Variants in FHIP1A observed in about 807,000 individuals in gnomAD.
FHIP1A encodes the protein FHF complex subunit HOOK interacting protein 1A, also known as FHF complex subunit HOOK-interacting protein 1A.
A neutral mutation model predicts 88.6 loss-of-function variants in FHIP1A; 61 were observed. The ratio of observed to expected loss-of-function variants is 0.69; its 90% CI spans 0.56 to 0.85. The LOEUF (loss-of-function observed/expected upper bound fraction) is 0.85. FHIP1A is among the 40% of genes least tolerant of loss of function. The pLI is 0.00. For synonymous variants in FHIP1A, 478 were observed against 496.0 expected, an observed-to-expected ratio of 0.96 and a Z score of 0.48; for missense variants, 1,154 against 1,273.5, an observed-to-expected ratio of 0.91 and a Z score of 1.43.
intron 3 of FHIP1A, among the ~76,000 whole-genome samples, chr4:151,516,083 G>A (rs62327258): frequency 6.6e-6 from 1 of 151,922 alleles, no homozygotes; most frequent in Non-Finnish European, 1.5e-5. Flanking sequence ...AAACAGCATG[G>A]TACTGGTACC....
At chr4:151,529,664 T>A (rs567005750) in intron 3 of FHIP1A, among the ~76,000 whole-genome samples, 11 of 152,252 alleles carry the variant, frequency 7.2e-5, no homozygotes, top group Admixed American at 2.6e-4. Context: ...ACCTGTGCCC[T>A]TTGTGGGGGC....
At chr4:151,513,619 C>CA (rs1560740766) in intron 3 of FHIP1A, among the ~76,000 whole-genome samples, 47 of 151,500 alleles carry the variant, frequency 3.1e-4, no homozygotes, top group African/African-American at 1.1e-3. Context: ...TCTACCAAGC[C>CA]AATGGAAAAC....
At position 151,666,764 on chromosome 4, in the gene FHIP1A, G is replaced by A. The variant is rs937551804; in HGVS notation, c.*4010G>A. ...ATCAGTGTGTCTAGGTTGTGTTCAG[G>A]AGGGAAGCACAGCCGCAGCAGTCTG... On this transcript the variant is annotated 3_prime_UTR_variant, in exon 14 of 14. Transcript: ENST00000435205. Among the ~76,000 whole-genome samples the A allele has an allele frequency of 3.9e-5, 6 of 152,186 alleles. No homozygotes were observed. The highest frequency in any genetic ancestry group is 1.3e-4 in the Admixed American group (2 of 15,276).
At chr4:151,578,876 T>G (rs6828234) in intron 5 of FHIP1A, among the ~76,000 whole-genome samples, 4,012 of 152,112 alleles carry the variant, frequency 0.026, 179 homozygotes, top group African/African-American at 0.09. Context: ...AATAGACAAA[T>G]AAAGTGGGGA....
At chr4:151,427,377 ACTGT>A in intron 1 of FHIP1A, among the ~76,000 whole-genome samples, 1 of 152,214 alleles carries the variant, frequency 6.6e-6, no homozygotes, top group African/African-American at 2.4e-5. Flanking sequence ...TTAAAATTAG[ACTGT>A]CTTTTTTTAG....
intron 7 of FHIP1A, among the ~76,000 whole-genome samples, chr4:151,615,594 T>C (rs1166718858): frequency 2.6e-5 from 4 of 152,196 alleles, no homozygotes; most frequent in African/African-American, 9.7e-5. Context: ...CAGAGGCTCA[T>C]CTGGGAAGGG....
At chr4:151,458,968 T>G (rs559609427) in intron 2 of FHIP1A, among the ~76,000 whole-genome samples, 2 of 152,284 alleles carry the variant, frequency 1.3e-5, no homozygotes, top group East Asian at 3.9e-4. Flanking sequence ...TATTTGCTGT[T>G]AACATAGCAC....
intron 3 of FHIP1A, among the ~76,000 whole-genome samples, chr4:151,525,194 A>G (rs1731585454): frequency 6.6e-6 from 1 of 152,206 alleles, no homozygotes; most frequent in Non-Finnish European, 1.5e-5. Context: ...AGCTGGGCCT[A>G]AGGAAGATTT....
At chr4:151,614,424 A>G (rs1578819244) in intron 7 of FHIP1A, among the ~76,000 whole-genome samples, 1 of 150,762 alleles carries the variant, frequency 6.6e-6, no homozygotes, top group African/African-American at 2.4e-5. Flanking sequence ...AGCGGTGATC[A>G]CGCCACTGTA....
intron 3 of FHIP1A, among the ~76,000 whole-genome samples, chr4:151,559,477 A>G (rs1433931993): frequency 6.6e-6 from 1 of 152,170 alleles, no homozygotes; most frequent in African/African-American, 2.4e-5. Context: ...CTTCTTAGAA[A>G]TCTTCTATGC....
chr4:151,661,793 C>T (rs1047708922), intron 13 of FHIP1A, among the ~76,000 whole-genome samples: 5 of 152,112 alleles, frequency 3.3e-5, no homozygotes, highest in Non-Finnish European at 5.9e-5. Context: ...GAGATGGGAA[C>T]CCTCCTTCAA....
At chr4:151,603,527 T>C (rs760665540) in intron 7 of FHIP1A, among the ~76,000 whole-genome samples, 1 of 152,120 alleles carries the variant, frequency 6.6e-6, no homozygotes, top group Non-Finnish European at 1.5e-5. Context: ...TTGACCCTCA[T>C]GATTGCTATC....
At chr4:151,470,213 G>T (rs985161584) in intron 2 of FHIP1A, among the ~76,000 whole-genome samples, 2 of 152,170 alleles carry the variant, frequency 1.3e-5, no homozygotes, top group East Asian at 3.8e-4. Context: ...TTGACTAATA[G>T]TGTAGAAAAG....
intron 9 of FHIP1A, among the ~76,000 whole-genome samples, chr4:151,643,935 A>G (rs952342239): frequency 6.6e-6 from 1 of 152,218 alleles, no homozygotes; most frequent in Non-Finnish European, 1.5e-5. Flanking sequence ...GTTTCAAGCT[A>G]CCCACTGGTG....
chr4:151,504,862 C>T (rs1002872384), intron 3 of FHIP1A, among the ~76,000 whole-genome samples: 4 of 152,162 alleles, frequency 2.6e-5, no homozygotes, highest in Admixed American at 1.3e-4. Context: ...AGGTGATCCA[C>T]GCACCTCGGC....
chr4:151,431,820 C>G (rs7698816), intron 1 of FHIP1A, among the ~76,000 whole-genome samples: 8 of 152,160 alleles, frequency 5.3e-5, no homozygotes, highest in African/African-American at 1.9e-4. Context: ...ATAAAGGATT[C>G]AGGATGGATC....
chr4:151,564,001 C>T (rs897360416), intron 3 of FHIP1A, among the ~76,000 whole-genome samples: 1 of 151,814 alleles, frequency 6.6e-6, no homozygotes, highest in Admixed American at 6.6e-5. Flanking sequence ...AATAAAACAA[C>T]AACAACAACC....
chr4:151,551,463 A>C (rs1282065907), intron 3 of FHIP1A, among the ~76,000 whole-genome samples: 1 of 152,236 alleles, frequency 6.6e-6, no homozygotes, highest in Admixed American at 6.5e-5. Context: ...CCAAAACAGC[A>C]TGGTACTGGT....
chr4:151,632,969 A>C (rs1000267853), intron 8 of FHIP1A, among the ~76,000 whole-genome samples: 7 of 151,908 alleles, frequency 4.6e-5, no homozygotes, highest in Non-Finnish European at 1.0e-4. Context: ...GGAAATGATA[A>C]AGATCAGAGC....
Sources: gnomAD v4.1 joint callset for allele counts (sites outside exome capture counted in the v4.1 genomes callset) on GRCh38, gnomAD v4.1.1 for gene constraint, MANE v1.5 for transcripts, NCBI Gene and HGNC (gene_info 2026-07-23, HGNC 2026-07-21) for gene names.